TMEM38B: variants seen among roughly 807,000 people sequenced by gnomAD.
TMEM38B encodes the protein trimeric intracellular cation channel type B.
In TMEM38B, 24 loss-of-function variants were observed where a neutral mutation model predicts 28.7. The ratio of observed to expected loss-of-function variants is 0.84; its 90% CI spans 0.61 to 1.18. The LOEUF is 1.18. TMEM38B is among the 50% of genes most tolerant of loss of function. TMEM38B has a pLI of 0.00. For missense variants in TMEM38B, 380 were observed against 350.9 expected, an observed-to-expected ratio of 1.08 and a Z score of -0.66; for synonymous variants, 131 against 127.7, an observed-to-expected ratio of 1.03 and a Z score of -0.17.
At chr9:105,768,857 T>A (rs1057505553) in intron 5 of TMEM38B, among the ~76,000 whole-genome samples, 3 of 152,330 alleles carry the variant, frequency 2.0e-5, no homozygotes, top group Admixed American at 6.5e-5. Flanking sequence ...ACCCAGCTTT[T>A]GGTTTCATTG....
intron 5 of TMEM38B, among the ~76,000 whole-genome samples, chr9:105,763,907 G>A (rs1267227296): frequency 1.3e-5 from 2 of 150,426 alleles, no homozygotes; most frequent in African/African-American, 4.9e-5. Flanking sequence ...TTCATCCCTG[G>A]GATGCAAGGC....
intron 2 of TMEM38B, among the ~76,000 whole-genome samples, chr9:105,708,250 A>G (rs2133557183): frequency 6.6e-6 from 1 of 152,332 alleles, no homozygotes; most frequent in African/African-American, 2.4e-5. Context: ...GCAACAATAA[A>G]AATAATGCAA....
intron 5 of TMEM38B, chr9:105,749,143 A>T (rs1262301164): frequency 7.7e-7 from 1 of 1,294,810 alleles, no homozygotes; most frequent in Non-Finnish European, 1.0e-6. Flanking sequence ...ATCTCTTCAC[A>T]TGTAGTCTCT....
intron 4 of TMEM38B, among the ~76,000 whole-genome samples, chr9:105,736,244 T>C (rs1349218061): frequency 6.6e-6 from 1 of 152,128 alleles, no homozygotes; most frequent in Non-Finnish European, 1.5e-5. Flanking sequence ...AATGTGAAAA[T>C]TTGTTTGCCA....
rs114827061 is a variant in TMEM38B at position 105,705,679 on chromosome 9, C to T, written c.195C>T (p.Ser65=). 4.6e-4 allele frequency: 743 copies of T among 1,613,992 alleles called. 7 individuals carry two copies. In the African/African-American group the frequency reaches 8.9e-3, roughly 19 times the overall value. The change falls in exon 2 of 6, where the codon TCC becomes TCT. Residue 65 remains serine, a synonymous_variant. Transcript: ENST00000374692. ...ACTGTTTTGGTGGAGGAATTTTATCCTGTCTACTGCTTGCAGAGCCTCCAT... is the reference window on the plus strand; with the variant it reads ...ACTGTTTTGGTGGAGGAATTTTATCTTGTCTACTGCTTGCAGAGCCTCCAT... ...MLHCFGGGIL[S]CLLLAEPPLK... is the part of the protein sequence containing the mutation.
At chr9:105,748,890 A>G (rs1341195152) in intron 5 of TMEM38B, among the ~76,000 whole-genome samples, 1 of 152,226 alleles carries the variant, frequency 6.6e-6, no homozygotes, top group Non-Finnish European at 1.5e-5. Context: ...TCGCAAGTAG[A>G]CAATTGATTT....
At chr9:105,749,628 C>T in intron 5 of TMEM38B, among the ~76,000 whole-genome samples, 1 of 151,332 alleles carries the variant, frequency 6.6e-6, no homozygotes, top group East Asian at 2.0e-4. Flanking sequence ...TTAGTATATT[C>T]ATGGATTTGT....
At chr9:105,718,755 A>G (rs1359722351) in intron 2 of TMEM38B, among the ~76,000 whole-genome samples, 1 of 152,110 alleles carries the variant, frequency 6.6e-6, no homozygotes, top group Non-Finnish European at 1.5e-5. Flanking sequence ...TAAATATTTT[A>G]TAATTTTTTA....
intron 4 of TMEM38B, among the ~76,000 whole-genome samples, chr9:105,729,960 G>A (rs969467221): frequency 7.9e-5 from 12 of 152,162 alleles, no homozygotes; most frequent in Non-Finnish European, 1.2e-4. Flanking sequence ...TTGCTTATCA[G>A]TTTAAGGAGA....
At chr9:105,732,754 C>G (rs1390554674) in intron 4 of TMEM38B, among the ~76,000 whole-genome samples, 1 of 152,152 alleles carries the variant, frequency 6.6e-6, no homozygotes, top group Non-Finnish European at 1.5e-5. Context: ...ATGCCTCCAG[C>G]TTTGTTCTTT....
At chr9:105,726,833 A>G (rs1219772836) in intron 4 of TMEM38B, among the ~76,000 whole-genome samples, 3 of 151,970 alleles carry the variant, frequency 2.0e-5, no homozygotes, top group Non-Finnish European at 4.4e-5. Flanking sequence ...TAGGTCTATG[A>G]TTTTATTATT....
At chr9:105,747,052 C>G (rs1837428776) in intron 4 of TMEM38B, among the ~76,000 whole-genome samples, 1 of 152,134 alleles carries the variant, frequency 6.6e-6, no homozygotes, top group Non-Finnish European at 1.5e-5. Flanking sequence ...TTGGTTGTGT[C>G]TCTGCCAGGC....
At chr9:105,758,204 C>T in intron 5 of TMEM38B, 1 of 656,836 alleles carries the variant, frequency 1.5e-6, no homozygotes, top group Non-Finnish European at 2.8e-6. Flanking sequence ...TATCTGGCCA[C>T]CAAACTGGAA....
Position 105,775,891 on chromosome 9 carries a change from A to G in TMEM38B, c.*1811A>G, listed in dbSNP as rs910879825. 6 of 152,180 alleles carry G rather than the reference A, an allele frequency of 3.9e-5. No individual in the cohort carries two copies. Among genetic ancestry groups the G allele is most frequent in the Non-Finnish European group, 7.4e-5 (5 of 68,026 alleles). The allele number at this position is 152,180 out of a possible 1,614,324, so 9.4% of individuals were successfully genotyped here. A position where few individuals can be genotyped will look rare whatever the true frequency, so the allele number is the denominator to read the frequency against. On this transcript the variant is annotated 3_prime_UTR_variant, in exon 6 of 6. Coordinates refer to ENST00000374692, the MANE Select transcript of TMEM38B (RefSeq NM_018112.3). ...TCAGAACTCATCTAGTATTTTGACT[A>G]ATATAGTATATATTCAGTGATTACT...
chr9:105,760,594 A>G (rs1238773059), intron 5 of TMEM38B: 1 of 757,400 alleles, frequency 1.3e-6, no homozygotes, highest in African/African-American at 1.7e-5. Context: ...TCTAAAGGAG[A>G]AAAGAAAAAA....
At chr9:105,725,752 C>G (rs951428225) in intron 4 of TMEM38B, among the ~76,000 whole-genome samples, 1 of 152,010 alleles carries the variant, frequency 6.6e-6, no homozygotes, top group African/African-American at 2.4e-5. Context: ...AAAAATGATA[C>G]ACTTGTATAG....
intron 4 of TMEM38B, among the ~76,000 whole-genome samples, chr9:105,724,640 A>G (rs1836442991): frequency 1.3e-5 from 2 of 151,558 alleles, no homozygotes; most frequent in Non-Finnish European, 2.9e-5. Context: ...AAAAAAAAGA[A>G]GAAGGTGGAA....
chr9:105,705,464 T>G (rs1835622184), intron 1 of TMEM38B, 133 bp from the exon 2 acceptor site: 1 of 857,848 alleles, frequency 1.2e-6, no homozygotes, highest in Non-Finnish European at 1.7e-6. Context: ...TGATTTTGAC[T>G]GGCACACCTA....
intron 2 of TMEM38B, among the ~76,000 whole-genome samples, chr9:105,707,168 A>C (rs1835702384): frequency 6.6e-6 from 1 of 152,232 alleles, no homozygotes; most frequent in Non-Finnish European, 1.5e-5. Context: ...TAACTGATAC[A>C]CGCAGATATA....
Sources: allele counts gnomAD v4.1 joint callset (sites outside exome capture counted in the v4.1 genomes callset), GRCh38; gene constraint gnomAD v4.1.1; transcripts MANE v1.5; gene names NCBI Gene and HGNC (gene_info 2026-07-23, HGNC 2026-07-21).